SELENOF: variants seen among roughly 807,000 people sequenced by gnomAD.
SELENOF encodes 15 kDa selenoprotein.
Under a neutral mutation model 20.5 loss-of-function variants are expected in SELENOF, and 16 were observed. The observed-to-expected ratio is 0.78, with a 90% CI of 0.53 to 1.19. The LOEUF is 1.19. SELENOF is among the 50% of genes most tolerant of loss of function. SELENOF has a pLI of 0.00. For synonymous variants in SELENOF, 78 were observed against 74.5 expected, an observed-to-expected ratio of 1.05 and a Z score of -0.24; for missense variants, 215 against 194.2, an observed-to-expected ratio of 1.11 and a Z score of -0.64.
At chr1:86,896,421 G>C (rs947048153) in intron 2 of SELENOF, among the ~76,000 whole-genome samples, 1 of 152,100 alleles carries the variant, frequency 6.6e-6, no homozygotes, top group Admixed American at 6.5e-5. Flanking sequence ...ATTATAAAAA[G>C]ATGAGAAAAA....
intron 1 of SELENOF, among the ~76,000 whole-genome samples, chr1:86,908,365 T>G (rs1313614342): frequency 6.6e-6 from 1 of 152,254 alleles, no homozygotes; most frequent in Non-Finnish European, 1.5e-5. Context: ...AGATATTTTG[T>G]TAAGTACTTT....
At chr1:86,872,919 T>C (rs115535035) in intron 3 of SELENOF, among the ~76,000 whole-genome samples, 1,856 of 152,126 alleles carry the variant, frequency 0.012, 47 homozygotes, top group African/African-American at 0.042. Context: ...CAGGCGCCTG[T>C]AGCGCGGCTA....
At chr1:86,886,329 T>C (rs1434048674) in intron 2 of SELENOF, among the ~76,000 whole-genome samples, 1 of 152,064 alleles carries the variant, frequency 6.6e-6, no homozygotes, top group African/African-American at 2.4e-5. Flanking sequence ...AGGGCAAAAA[T>C]TGCAAAATGG....
At chr1:86,864,111 G>T (rs1658533917) in intron 4 of SELENOF, among the ~76,000 whole-genome samples, 1 of 152,192 alleles carries the variant, frequency 6.6e-6, no homozygotes, top group African/African-American at 2.4e-5. Flanking sequence ...GTTCAAAATA[G>T]TTGAGAAAAT....
chr1:86,886,511 T>C (rs1659224744), intron 2 of SELENOF, among the ~76,000 whole-genome samples: 1 of 151,800 alleles, frequency 6.6e-6, no homozygotes, highest in Non-Finnish European at 1.5e-5. Flanking sequence ...TTATTTAAAA[T>C]CGAAAGGTTA....
At chr1:86,890,589 G>A (rs1041975232) in intron 2 of SELENOF, among the ~76,000 whole-genome samples, 2 of 151,816 alleles carry the variant, frequency 1.3e-5, no homozygotes, top group Admixed American at 6.6e-5. Flanking sequence ...TCCTAGGCTC[G>A]AGTGATCCTC....
rs567308554 is a variant in SELENOF at position 86,887,547 on chromosome 1, A to C, written c.253-6822T>G. Among the ~76,000 whole-genome samples, 3 of 152,298 alleles carry C rather than the reference A, an allele frequency of 2.0e-5. No homozygotes were observed. The East Asian group carries it at 5.8e-4, about 29-fold the overall frequency. On this transcript the variant is annotated intron_variant, in intron 2 of 4. Transcript: ENST00000331835. ...TCTTTCCATAAAGATACAATGTTGAACTAAAAAGCTCAATGAAAATATACA... is the reference window on the plus strand; with the variant it reads ...TCTTTCCATAAAGATACAATGTTGACCTAAAAAGCTCAATGAAAATATACA...
intron 4 of SELENOF, among the ~76,000 whole-genome samples, chr1:86,867,487 G>A (rs1658631569): frequency 7.4e-6 from 1 of 135,118 alleles, no homozygotes; most frequent in South Asian, 2.3e-4. Flanking sequence ...GCAAGACTCC[G>A]TCTCAACAAC....
chr1:86,884,548 A>G (rs1037634346), intron 2 of SELENOF, among the ~76,000 whole-genome samples: 2 of 152,224 alleles, frequency 1.3e-5, no homozygotes, highest in African/African-American at 4.8e-5. Context: ...ATTCACACAC[A>G]ATGAAATATA....
Position 86,913,552 on chromosome 1 carries a change from CG to C in SELENOF, c.84+475del, listed in dbSNP as rs1378722664. Among the ~76,000 whole-genome samples the C allele has an allele frequency of 2.6e-5, 4 of 152,146 alleles. No individual in the cohort carries two copies. The East Asian group carries it at 7.7e-4, about 29-fold the overall frequency. On this transcript the variant is annotated intron_variant, in intron 1 of 4. Transcript: ENST00000331835. The stretch of plus-strand genomic sequence containing the variant: ...GCCGTATATGAATAGCAGAGGAGAA[CG>C]GAAGTTAAGAGACTAACAGAAGTAG...
intron 3 of SELENOF, among the ~76,000 whole-genome samples, chr1:86,875,106 TGGC>T (rs745476270): frequency 1.3e-5 from 2 of 152,098 alleles, no homozygotes; most frequent in Non-Finnish European, 2.9e-5. Context: ...CTGGGTGTGG[TGGC>T]GCATGCCTGT....
chr1:86,888,802 T>G (rs1659299953), intron 2 of SELENOF, among the ~76,000 whole-genome samples: 1 of 152,202 alleles, frequency 6.6e-6, no homozygotes, highest in Non-Finnish European at 1.5e-5. Flanking sequence ...TAGCTGGGAT[T>G]ACAGGCGTGC....
At chr1:86,884,631 C>G (rs1659168302) in intron 2 of SELENOF, among the ~76,000 whole-genome samples, 1 of 152,068 alleles carries the variant, frequency 6.6e-6, no homozygotes, top group Admixed American at 6.6e-5. Context: ...CTGATTTAAC[C>G]AAGTTCCAAC....
intron 2 of SELENOF, among the ~76,000 whole-genome samples, chr1:86,886,223 G>A (rs1285988358): frequency 2.0e-5 from 3 of 152,112 alleles, no homozygotes; most frequent in Admixed American, 6.5e-5. Context: ...ATATCTAGGG[G>A]TGAGATCCAT....
chr1:86,867,193 A>G (rs1288238587), intron 4 of SELENOF, among the ~76,000 whole-genome samples: 1 of 152,148 alleles, frequency 6.6e-6, no homozygotes, highest in Non-Finnish European at 1.5e-5. Flanking sequence ...AGATAATAAA[A>G]AAATCAGTGG....
intron 3 of SELENOF, among the ~76,000 whole-genome samples, chr1:86,871,169 G>C (rs1170746403): frequency 6.6e-6 from 1 of 152,090 alleles, no homozygotes; most frequent in African/African-American, 2.4e-5. Flanking sequence ...CATTCGATAA[G>C]CTACATGAGA....
intron 2 of SELENOF, among the ~76,000 whole-genome samples, chr1:86,898,060 G>A (rs1443827318): frequency 6.6e-6 from 1 of 152,118 alleles, no homozygotes; most frequent in Non-Finnish European, 1.5e-5. Context: ...TACAAAAACA[G>A]TACTAAAATT....
chr1:86,886,072 G>A (rs187840643), intron 2 of SELENOF, among the ~76,000 whole-genome samples: 20 of 152,230 alleles, frequency 1.3e-4, no homozygotes, highest in Admixed American at 1.2e-3. Context: ...TAATGAAAAT[G>A]GCCACTCCAA....
intron 2 of SELENOF, among the ~76,000 whole-genome samples, chr1:86,901,937 T>G (rs61800719): frequency 0.024 from 3,710 of 152,262 alleles, 83 homozygotes; most frequent in Non-Finnish European, 0.031. Flanking sequence ...AAAATGCCCC[T>G]TGTTCTTCAG....
Sources: gnomAD v4.1 joint callset for allele counts (sites outside exome capture counted in the v4.1 genomes callset) on GRCh38, gnomAD v4.1.1 for gene constraint, MANE v1.5 for transcripts, NCBI Gene and HGNC (gene_info 2026-07-23, HGNC 2026-07-21) for gene names.